The following PPDPFL variants were observed in gnomAD, a reference collection of about 807,000 sequenced individuals.
PPDPFL encodes the protein pancreatic progenitor cell differentiation and proliferation factor-like protein.
Under a neutral mutation model 12.6 loss-of-function variants are expected in PPDPFL, and 12 were observed. The ratio of observed to expected loss-of-function variants is 0.95; its 90% CI spans 0.61 to 1.54. The LOEUF (loss-of-function observed/expected upper bound fraction) is 1.54, where lower values mean the gene tolerates loss of function less well. PPDPFL is among the 40% of genes most tolerant of loss of function. PPDPFL has a pLI of 0.00. For synonymous variants in PPDPFL, 24 were observed against 32.7 expected, an observed-to-expected ratio of 0.73 and a Z score of 0.91; for missense variants, 114 against 96.0, an observed-to-expected ratio of 1.19 and a Z score of -0.78.
At chr8:49,059,234 G>C (rs751802715) in intron 1 of PPDPFL, among the ~76,000 whole-genome samples, 6 of 152,092 alleles carry the variant, frequency 3.9e-5, no homozygotes, top group Non-Finnish European at 7.4e-5. Flanking sequence ...GTGTGTTGTG[G>C]TGTGGTGTGG....
intron 1 of PPDPFL, among the ~76,000 whole-genome samples, chr8:49,056,694 G>A (rs1585668620): frequency 1.3e-5 from 2 of 152,224 alleles, no homozygotes; most frequent in South Asian, 4.1e-4. Flanking sequence ...TGCTGATAGA[G>A]CAATATCCAT....
rs552652962 is a variant in PPDPFL, at chr8:49,074,067, G to A, written c.64G>A (p.Val22Ile). ...ARNQYYRKSS[V>I]SSVSSLTSSD... ...TCATTTGTTTCCTACAGAGTCCAGT[G>A]TTTCTTCAGTTAGTTCTTTAACTAG... Residue 22 changes from valine to isoleucine, a missense_variant, in exon 3 of 5, where the codon GTT becomes ATT. By Grantham distance (29) the Val-to-Ile change is conservative. Transcript: ENST00000522267. 16 of 1,610,262 alleles carry A rather than the reference G, an allele frequency of 9.9e-6. No individual in the cohort carries two copies. In the Admixed American group the frequency reaches 1.0e-4, roughly 10 times the overall value.
upstream of PPDPFL, among the ~76,000 whole-genome samples, chr8:49,069,970 T>C (rs1345091534): frequency 6.6e-6 from 1 of 152,094 alleles, no homozygotes; most frequent in African/African-American, 2.4e-5. Context: ...CTATTCACAA[T>C]AGCAATGACA....
chr8:49,071,014 T>G (rs564224034), upstream of PPDPFL, among the ~76,000 whole-genome samples: 1 of 152,262 alleles, frequency 6.6e-6, no homozygotes, highest in South Asian at 2.1e-4. Context: ...TTTTGTACCC[T>G]TGGCCAACAT....
intron 4 of PPDPFL, chr8:49,074,823 G>A (rs1384424572): frequency 2.8e-6 from 4 of 1,414,708 alleles, no homozygotes; most frequent in Non-Finnish European, 2.7e-6. Flanking sequence ...TAGCACAGTT[G>A]TAATTTAATA....
chr8:49,057,768 T>C (rs1008651605), intron 1 of PPDPFL, among the ~76,000 whole-genome samples: 4 of 152,170 alleles, frequency 2.6e-5, no homozygotes, highest in Non-Finnish European at 5.9e-5. Context: ...TGAACTCCAA[T>C]AGACATGTCT....
intron 4 of PPDPFL, chr8:49,074,795 G>A (rs1028152039): frequency 1.4e-6 from 2 of 1,429,718 alleles, no homozygotes; most frequent in Non-Finnish European, 9.1e-7. Context: ...CAGACATTTT[G>A]AACTCAAACA....
At chr8:49,054,537 T>C (rs2129242976) in intron 1 of PPDPFL, among the ~76,000 whole-genome samples, 1 of 152,276 alleles carries the variant, frequency 6.6e-6, no homozygotes, top group Non-Finnish European at 1.5e-5. Flanking sequence ...ATATTAGTAG[T>C]TAAATTTTGG....
upstream of PPDPFL, among the ~76,000 whole-genome samples, chr8:49,071,238 G>A (rs934085267): frequency 1.3e-5 from 2 of 152,114 alleles, no homozygotes; most frequent in Non-Finnish European, 2.9e-5. Flanking sequence ...CAATGTATAC[G>A]CTACAAAAAT....
Position 49,075,150 on chromosome 8 carries a change from A to G in PPDPFL, c.234-2A>G, listed in dbSNP as rs542383719. The G allele has an allele frequency of 3.1e-6, 5 of 1,613,442 alleles. No individual in the cohort carries two copies. The East Asian group carries it at 1.1e-4, about 36-fold the overall frequency. Reference sequence around the variant, plus strand: ...TCTCTGACTACTATAAAATCAACCCAGATTACAGATGAGCACTTTGTAGCT... The same window carrying G: ...TCTCTGACTACTATAAAATCAACCCGGATTACAGATGAGCACTTTGTAGCT... On this transcript the variant is annotated splice_acceptor_variant, in intron 4 of 4. Transcript: ENST00000522267. LOFTEE classifies it high-confidence loss of function.
At chr8:49,061,695 A>G (rs768019998) in intron 1 of PPDPFL, among the ~76,000 whole-genome samples, 2 of 152,130 alleles carry the variant, frequency 1.3e-5, no homozygotes, top group African/African-American at 2.4e-5. Flanking sequence ...ATATTGATGT[A>G]AGGAGAAAGT....
chr8:49,072,755 A>G (rs2129246034), intron 1 of PPDPFL, 32 bp from the exon 2 acceptor site: 1 of 1,090,808 alleles, frequency 9.2e-7, no homozygotes, highest in East Asian at 2.6e-5. Context: ...TGTTATTCAT[A>G]TCAATGTCTC....
rs376197239 is a variant in PPDPFL, at chr8:49,074,153, T to G, written c.133+17T>G. The G allele has an allele frequency of 1.5e-5, 24 of 1,606,278 alleles. No individual in the cohort carries two copies. In the African/African-American group the frequency reaches 2.8e-4, roughly 19 times the overall value. On this transcript the variant is annotated intron_variant, in intron 3 of 4. Transcript: ENST00000522267. ...CACAGCAAGGTACTTAGTTATTTCT[T>G]TCAGTGTCATCCTTATTATTTCTTT...
chr8:49,067,308 C>G (rs1428659917), intron 1 of PPDPFL, among the ~76,000 whole-genome samples: 3 of 152,202 alleles, frequency 2.0e-5, no homozygotes, highest in Non-Finnish European at 4.4e-5. Context: ...AGAGTACATG[C>G]TACACATATT....
At chr8:49,066,983 T>C (rs1011177478) in intron 1 of PPDPFL, among the ~76,000 whole-genome samples, 5 of 152,316 alleles carry the variant, frequency 3.3e-5, no homozygotes, top group Middle Eastern at 3.4e-3. Flanking sequence ...TGCTTCCTAA[T>C]GATTGTATGA....
rs747788030 is a variant in PPDPFL, at chr8:49,074,206, A to T, written c.134-28A>T. 1.9e-6 allele frequency: 3 copies of T among 1,607,180 alleles called. No individual in the cohort carries two copies. The South Asian group carries it at 3.3e-5, about 18-fold the overall frequency. On this transcript the variant is annotated intron_variant, in intron 3 of 4. Coordinates refer to ENST00000522267, the MANE Select transcript of PPDPFL (RefSeq NM_001256597.2). ...ATTTTCAATCTCAAATTTGTTTGAT[A>T]AGGAGTAACATGAATTTTATTTAAT... is the stretch of plus-strand genomic sequence containing the variant.
At chr8:49,075,058 T>C in intron 4 of PPDPFL, 94 bp from the exon 5 acceptor site, 3 of 1,524,836 alleles carry the variant, frequency 2.0e-6, no homozygotes, top group Non-Finnish European at 2.7e-6. Flanking sequence ...AGATGTTTTC[T>C]TGACACTCTT....
chr8:49,063,724 G>T (rs1808249748), intron 1 of PPDPFL, among the ~76,000 whole-genome samples: 1 of 151,772 alleles, frequency 6.6e-6, no homozygotes, highest in Non-Finnish European at 1.5e-5. Context: ...AAAAAAAAAA[G>T]TATATATAAA....
chr8:49,072,890 G>A lies in PPDPFL; in HGVS notation c.55+5G>A. On this transcript the variant is annotated splice_donor_5th_base_variant and intron_variant, in intron 2 of 4. Transcript: ENST00000522267. ...CCAGAAATCAGTATTATCGAAGTAA[G>A]TTGCATCATCATAGAGACGTCCCTA... The A allele has an allele frequency of 6.2e-7, 1 of 1,604,332 alleles. No homozygotes were observed. Among genetic ancestry groups the A allele is most frequent in the South Asian group, 1.1e-5 (1 of 89,354 alleles).
Sources: allele counts gnomAD v4.1 joint callset (sites outside exome capture counted in the v4.1 genomes callset), GRCh38; gene constraint gnomAD v4.1.1; transcripts MANE v1.5; gene names NCBI Gene and HGNC (gene_info 2026-07-23, HGNC 2026-07-21).